The following ADCY8 variants were observed in gnomAD, a reference collection of about 807,000 sequenced individuals.
ADCY8 encodes adenylate cyclase type 8.
ADCY8 carries 51 observed loss-of-function variants against 119.7 expected under a neutral mutation model. That is an observed-to-expected ratio of 0.43 (90% CI 0.34 to 0.54). The LOEUF is 0.54. Among genes scored for constraint, ADCY8 ranks in the 20% least tolerant of loss-of-function variants. ADCY8 has a pLI of 0.03. For missense variants in ADCY8, 1,383 were observed against 1,598.8 expected, an observed-to-expected ratio of 0.87 and a Z score of 2.30; for synonymous variants, 665 against 651.0, an observed-to-expected ratio of 1.02 and a Z score of -0.33.
intron 2 of ADCY8, among the ~76,000 whole-genome samples, chr8:130,954,566 A>G (rs1310856088): frequency 6.6e-6 from 1 of 152,202 alleles, no homozygotes; most frequent in Non-Finnish European, 1.5e-5. Context: ...TTTTTGGGAT[A>G]CTCAGGTAGG....
intron 1 of ADCY8, among the ~76,000 whole-genome samples, chr8:131,013,163 G>A (rs747987469): frequency 6.6e-6 from 1 of 152,162 alleles, no homozygotes; most frequent in Non-Finnish European, 1.5e-5. Flanking sequence ...AGATTCCAGT[G>A]ACAAATAAGA....
intron 6 of ADCY8, among the ~76,000 whole-genome samples, chr8:130,908,489 T>G (rs923202405): frequency 1.3e-5 from 2 of 151,532 alleles, no homozygotes; most frequent in African/African-American, 4.8e-5. Context: ...GTAACTGACC[T>G]GGGGTGTCCC....
In ADCY8 at chr8:131,031,845, T is replaced by C. The variant is rs138041853; in HGVS notation, c.960+7529A>G. ...TATAGCAGCATAAGATGGGTTCTGT[T>C]AGATTTTTTTTTTGTGCTCTTATTT... is the stretch of plus-strand genomic sequence containing the variant. On this transcript the variant is annotated intron_variant, in intron 1 of 17. Coordinates refer to ENST00000286355, the MANE Select transcript of ADCY8 (RefSeq NM_001115.3). Among the ~76,000 whole-genome samples, 1,055 of 152,282 alleles carry C rather than the reference T, an allele frequency of 6.9e-3. 16 individuals are homozygous for C. Among genetic ancestry groups the C allele is most frequent in the African/African-American group, 0.023 (974 of 41,548 alleles).
intron 1 of ADCY8, among the ~76,000 whole-genome samples, chr8:131,009,843 T>A (rs115266542): frequency 0.011 from 1,601 of 152,224 alleles, 34 homozygotes; most frequent in African/African-American, 0.037. Flanking sequence ...GGGTAGAAAG[T>A]CAAGAAAATG....
intron 7 of ADCY8, among the ~76,000 whole-genome samples, chr8:130,900,611 G>A (rs1442012601): frequency 6.6e-6 from 1 of 152,110 alleles, no homozygotes; most frequent in South Asian, 2.1e-4. Context: ...CATACTCTAG[G>A]CTTCTGTGAC....
intron 1 of ADCY8, among the ~76,000 whole-genome samples, chr8:131,034,477 GATTTCTTA>G (rs1272294905): frequency 6.6e-6 from 1 of 151,908 alleles, no homozygotes; most frequent in Non-Finnish European, 1.5e-5. Flanking sequence ...TCCCCTAAAG[GATTTCTTA>G]AAGGCCAAAT....
chr8:130,930,208 A>T (rs1820590905), intron 5 of ADCY8, among the ~76,000 whole-genome samples: 1 of 151,014 alleles, frequency 6.6e-6, no homozygotes, highest in African/African-American at 2.4e-5. Context: ...TCTTCCTCTG[A>T]GGTTAAGTGA....
At chr8:130,903,242 T>C (rs542840274) in intron 7 of ADCY8, among the ~76,000 whole-genome samples, 5 of 152,258 alleles carry the variant, frequency 3.3e-5, no homozygotes, top group Admixed American at 2.0e-4. Flanking sequence ...AATAGAATCA[T>C]GTGGGTGGCT....
At chr8:130,914,396 T>A (rs1199500439) in intron 5 of ADCY8, among the ~76,000 whole-genome samples, 1 of 152,202 alleles carries the variant, frequency 6.6e-6, no homozygotes, top group Non-Finnish European at 1.5e-5. Flanking sequence ...AGCATCTTAA[T>A]GAAAAGACAT....
chr8:130,847,536 AAAG>A (rs756062045), intron 10 of ADCY8, 23 bp from the exon 11 acceptor site: 5 of 1,553,960 alleles, frequency 3.2e-6, no homozygotes, highest in African/African-American at 2.8e-5. Flanking sequence ...AAAAAAAAAA[AAAG>A]AACAACAAAA....
At chr8:131,017,058 T>C (rs779124729) in intron 1 of ADCY8, among the ~76,000 whole-genome samples, 6 of 151,900 alleles carry the variant, frequency 3.9e-5, no homozygotes, top group Non-Finnish European at 7.4e-5. Context: ...GGAATGTCCA[T>C]TGGAATGTAC....
intron 5 of ADCY8, among the ~76,000 whole-genome samples, chr8:130,934,053 A>G (rs1820710535): frequency 6.6e-6 from 1 of 152,210 alleles, no homozygotes; most frequent in South Asian, 2.1e-4. Context: ...CTGTATTTCT[A>G]GGGCTTAGCC....
chr8:130,969,757 A>C (rs1028900572), intron 2 of ADCY8, among the ~76,000 whole-genome samples: 1 of 152,178 alleles, frequency 6.6e-6, no homozygotes, highest in African/African-American at 2.4e-5. Context: ...TGATGTGGAC[A>C]AAGGTGGAAG....
intron 5 of ADCY8, among the ~76,000 whole-genome samples, chr8:130,911,128 T>G (rs1819968305): frequency 6.6e-6 from 1 of 152,226 alleles, no homozygotes; most frequent in Non-Finnish European, 1.5e-5. Flanking sequence ...ACTTGCTTAA[T>G]TTATTTCTTC....
chr8:130,878,067 C>G (rs1818632664), intron 8 of ADCY8, among the ~76,000 whole-genome samples: 1 of 152,140 alleles, frequency 6.6e-6, no homozygotes, highest in African/African-American at 2.4e-5. Flanking sequence ...AATATTGTGC[C>G]ATTTAATTTT....
At position 130,800,516 on chromosome 8, in the gene ADCY8, T is replaced by C. The variant is rs781245453; in HGVS notation, c.2970A>G (p.Gly990=). 6.2e-7 allele frequency: 1 copy of C among 1,614,080 alleles called. No individual in the cohort carries two copies. The highest frequency in any genetic ancestry group is 8.5e-7 in the Non-Finnish European group (1 of 1,180,000). Residue 990 remains glycine (G), a synonymous_variant, in exon 15 of 18, where the codon GGA becomes GGG. Transcript: ENST00000286355. ...CAGTCTGAGAGTAAAAGTCCGCAAA[T>C]CCTGGGATGGAGGCAAACATCACCC... ...AVGVMFASIP[G]FADFYSQTEM... is the part of the protein sequence containing the mutation.
At chr8:130,795,498 C>G (rs1427168359) in intron 15 of ADCY8, among the ~76,000 whole-genome samples, 1 of 152,212 alleles carries the variant, frequency 6.6e-6, no homozygotes, top group African/African-American at 2.4e-5. Context: ...CTCACTGATT[C>G]CCAAGTCTAA....
At chr8:130,852,526 A>G (rs1817566868) in intron 9 of ADCY8, among the ~76,000 whole-genome samples, 1 of 152,184 alleles carries the variant, frequency 6.6e-6, no homozygotes, top group Non-Finnish European at 1.5e-5. Flanking sequence ...GCCAATTGCA[A>G]GGCTCATGTG....
intron 12 of ADCY8, among the ~76,000 whole-genome samples, chr8:130,826,597 G>A (rs1160798880): frequency 1.2e-4 from 18 of 152,068 alleles, no homozygotes; most frequent in Admixed American, 1.2e-3. Context: ...TACATTTTAT[G>A]TCTGAAATGC....
Sources: gnomAD v4.1 joint callset for allele counts (sites outside exome capture counted in the v4.1 genomes callset) on GRCh38, gnomAD v4.1.1 for gene constraint, MANE v1.5 for transcripts, NCBI Gene and HGNC (gene_info 2026-07-23, HGNC 2026-07-21) for gene names.